ZNF138: variants seen among roughly 807,000 people sequenced by gnomAD.
ZNF138 encodes zinc finger protein 138 (clone pHZ-32).
ZNF138 carries 33 observed loss-of-function variants against 33.0 expected under a neutral mutation model. The observed-to-expected ratio is 1.00, with a 90% confidence interval of 0.76 to 1.34. The LOEUF (loss-of-function observed/expected upper bound fraction) is 1.34. Among genes scored for constraint, ZNF138 ranks in the 40% most tolerant of loss-of-function variants. The pLI, the probability that ZNF138 is intolerant of heterozygous loss-of-function variation, is 0.00. For synonymous variants in ZNF138, 139 were observed against 120.4 expected (o/e 1.15, Z -1.01); for missense variants, 360 against 370.8 (o/e 0.97, Z 0.24).
chr7:64,827,616 A>G (rs1452304352), intron 3 of ZNF138, among the ~76,000 whole-genome samples: 2 of 152,086 alleles, frequency 1.3e-5, no homozygotes, highest in East Asian at 3.9e-4. Context: ...TTTGAAGTCA[A>G]TTGTGAATCA....
In ZNF138 at chr7:64,807,145, A is replaced by G. The variant is rs143108058; in HGVS notation, c.4-7773A>G. Among the ~76,000 whole-genome samples the G allele has an allele frequency of 8.8e-3, 1,340 of 152,360 alleles. 23 individuals are homozygous for G. The highest frequency in any genetic ancestry group is 0.031 in the African/African-American group (1,289 of 41,578). The stretch of plus-strand genomic sequence containing the variant: ...CCTTAATCTGATATCTATAGAAACA[A>G]TGCTAATGACTGGCTTGCTGTTAAT... On this transcript the variant is annotated intron_variant, in intron 1 of 3. Transcript: ENST00000307355.
chr7:64,824,301 C>A (rs901850821), intron 3 of ZNF138, among the ~76,000 whole-genome samples: 4 of 152,182 alleles, frequency 2.6e-5, no homozygotes, highest in African/African-American at 9.6e-5. Flanking sequence ...TACCATGTCA[C>A]ATGTCCAGTT....
the ZNF138 span, among the ~76,000 whole-genome samples, chr7:64,842,167 A>G: frequency 6.6e-6 from 1 of 152,152 alleles, no homozygotes; most frequent in Non-Finnish European, 1.5e-5. Context: ...GGGTGCAAGC[A>G]ATGCTCCTGC....
intron 1 of ZNF138, among the ~76,000 whole-genome samples, chr7:64,807,880 G>A (rs1583804876): frequency 1.3e-5 from 2 of 152,162 alleles, no homozygotes; most frequent in Admixed American, 1.3e-4. Flanking sequence ...AGGTCACAAG[G>A]TATCCACAGC....
chr7:64,827,894 A>T (rs1269762349), intron 3 of ZNF138, among the ~76,000 whole-genome samples: 2 of 152,166 alleles, frequency 1.3e-5, no homozygotes, highest in East Asian at 3.8e-4. Context: ...TGTGTATGAC[A>T]ATATTTATCT....
intron 1 of ZNF138, among the ~76,000 whole-genome samples, chr7:64,808,945 T>C (rs1787841209): frequency 7.1e-6 from 1 of 141,352 alleles, no homozygotes; most frequent in African/African-American, 2.6e-5. Flanking sequence ...AGAATTTTTC[T>C]TAGTACAGAA....
At chr7:64,851,390 G>A in the ZNF138 span, among the ~76,000 whole-genome samples, 2 of 151,976 alleles carry the variant, frequency 1.3e-5, no homozygotes, top group Non-Finnish European at 2.9e-5. Context: ...TGCAATGTTG[G>A]CAATGCAGGT....
chr7:64,804,874 G>A (rs940477700), intron 1 of ZNF138, among the ~76,000 whole-genome samples: 33 of 152,192 alleles, frequency 2.2e-4, no homozygotes, highest in Non-Finnish European at 2.9e-5. Context: ...AGATGGAAGA[G>A]AAACCTATTA....
At chr7:64,823,538 G>C (rs988463880) in intron 3 of ZNF138, among the ~76,000 whole-genome samples, 3 of 152,152 alleles carry the variant, frequency 2.0e-5, no homozygotes, top group Non-Finnish European at 4.4e-5. Flanking sequence ...ACATCACTAT[G>C]TTGCCCAGGC....
chr7:64,794,727 C>T (rs1786549536), intron 1 of ZNF138, among the ~76,000 whole-genome samples, 156 bp downstream of exon 1: 1 of 152,204 alleles, frequency 6.6e-6, no homozygotes, highest in African/African-American at 2.4e-5. Flanking sequence ...CCCCTTAAGC[C>T]ATAGCATGGC....
chr7:64,825,719 C>T (rs1224446562), intron 3 of ZNF138, among the ~76,000 whole-genome samples: 1 of 150,966 alleles, frequency 6.6e-6, no homozygotes, highest in Non-Finnish European at 1.5e-5. Flanking sequence ...TTTGTATTTT[C>T]GGTAGAGACA....
At chr7:64,823,809 G>A (rs1019911504) in intron 3 of ZNF138, among the ~76,000 whole-genome samples, 3 of 152,152 alleles carry the variant, frequency 2.0e-5, no homozygotes, top group South Asian at 2.1e-4. Flanking sequence ...GTGGTGGCAC[G>A]CGCCTGTAGT....
chr7:64,843,853 A>C, the ZNF138 span, among the ~76,000 whole-genome samples: 1 of 150,176 alleles, frequency 6.7e-6, no homozygotes, highest in South Asian at 2.1e-4. Context: ...TTTGAGATGG[A>C]GTTTCGCTGT....
At chr7:64,846,273 G>T in the ZNF138 span, among the ~76,000 whole-genome samples, 2 of 152,074 alleles carry the variant, frequency 1.3e-5, no homozygotes, top group African/African-American at 2.4e-5. Context: ...ATGAATCGTA[G>T]GATTGTTTTT....
chr7:64,815,510 G>A lies in ZNF138; in HGVS notation c.131-66G>A, dbSNP rs111998964. 710 of 1,441,260 alleles carry A rather than the reference G, an allele frequency of 4.9e-4. 6 individuals are homozygous for A. In the African/African-American group the frequency reaches 8.6e-3, roughly 17 times the overall value. The allele number at this position is 1,441,260 out of a possible 1,614,324, so 89.3% of individuals were successfully genotyped here. A position where few individuals can be genotyped will look rare whatever the true frequency, so the allele number is the denominator to read the frequency against. ...TGAGCACATTACTAGGTTGGTAATT[G>A]GAGAATATGAGCCAGAGTCATGTTA... On this transcript the variant is annotated intron_variant, in intron 2 of 3. Coordinates refer to ENST00000307355, the MANE Select transcript of ZNF138 (RefSeq NM_001271639.2).
the ZNF138 span, among the ~76,000 whole-genome samples, chr7:64,847,409 A>G: frequency 2.1e-3 from 310 of 146,980 alleles, no homozygotes; most frequent in African/African-American, 7.4e-3. Flanking sequence ...TCTAGGGTAT[A>G]GTTTAAGTCC....
At chr7:64,798,123 T>C (rs1450468051) in intron 1 of ZNF138, among the ~76,000 whole-genome samples, 1 of 152,132 alleles carries the variant, frequency 6.6e-6, no homozygotes, top group Non-Finnish European at 1.5e-5. Context: ...GTATTTTTAC[T>C]AGAAATGGGG....
At chr7:64,797,343 T>C (rs1347302529) in intron 1 of ZNF138, among the ~76,000 whole-genome samples, 1 of 152,220 alleles carries the variant, frequency 6.6e-6, no homozygotes, top group African/African-American at 2.4e-5. Context: ...TACTTTTGCA[T>C]TTGAGATATG....
At chr7:64,819,907 ATT>A (rs201250689) in intron 3 of ZNF138, among the ~76,000 whole-genome samples, 10 of 143,282 alleles carry the variant, frequency 7.0e-5, no homozygotes, top group East Asian at 2.0e-4. Flanking sequence ...TCAACTACAA[ATT>A]TTTTTTTTTT....
Sources: allele counts gnomAD v4.1 joint callset (sites outside exome capture counted in the v4.1 genomes callset), GRCh38; gene constraint gnomAD v4.1.1; transcripts MANE v1.5; gene names NCBI Gene and HGNC (gene_info 2026-07-23, HGNC 2026-07-21).